CBFA2T2: variants seen among roughly 807,000 people sequenced by gnomAD.
CBFA2T2 encodes protein CBFA2T2.
CBFA2T2 carries 11 observed loss-of-function variants against 62.2 expected under a neutral mutation model. The observed-to-expected ratio is 0.18, with a 90% CI of 0.11 to 0.29. The LOEUF (loss-of-function observed/expected upper bound fraction) is 0.29. CBFA2T2 is among the 10% of genes least tolerant of loss of function. CBFA2T2 has a pLI of 1.00. For missense variants in CBFA2T2, 592 were observed against 774.1 expected, an observed-to-expected ratio of 0.76 and a Z score of 2.79; for synonymous variants, 295 against 287.5, an observed-to-expected ratio of 1.03 and a Z score of -0.27.
At chr20:33,593,738 T>G (rs1424035385) in intron 1 of CBFA2T2, among the ~76,000 whole-genome samples, 1 of 152,136 alleles carries the variant, frequency 6.6e-6, no homozygotes, top group Non-Finnish European at 1.5e-5. Context: ...TTATATCTGC[T>G]TCTGCATTAA....
At position 33,502,662 on chromosome 20, in the gene CBFA2T2, C is replaced by CA. The variant is rs1260224669; in HGVS notation, c.34+12364dup. On this transcript the variant is annotated intron_variant, in intron 1 of 10. Transcript: ENST00000342704. ...TTGTGATCTGCCTGCCTCGACCTCC[C>CA]AAAGTGCTGGGATTACAGGCGTGAG... Among the ~76,000 whole-genome samples, 3 of 151,398 alleles carry CA rather than the reference C, an allele frequency of 2.0e-5. No homozygotes were observed. In the East Asian group the frequency reaches 5.9e-4, roughly 30 times the overall value.
chr20:33,625,078 A>C (rs763767435), intron 6 of CBFA2T2, 61 bp downstream of exon 6: 436 of 1,522,980 alleles, frequency 2.9e-4, no homozygotes, highest in Non-Finnish European at 3.6e-4. Context: ...TTCCAACTCA[A>C]TGATAAAGTC....
chr20:33,625,217 C>CT (rs1424343202), intron 6 of CBFA2T2, among the ~76,000 whole-genome samples, 200 bp downstream of exon 6: 1 of 151,914 alleles, frequency 6.6e-6, no homozygotes, highest in Non-Finnish European at 1.5e-5. Context: ...GATAGAAGTA[C>CT]AGCTAGGTGT....
chr20:33,620,347 A>C (rs1162989517), intron 4 of CBFA2T2, among the ~76,000 whole-genome samples: 1 of 142,900 alleles, frequency 7.0e-6, no homozygotes, highest in Non-Finnish European at 1.6e-5. Flanking sequence ...CGTCTCTGCC[A>C]AAAAAAAATA....
At chr20:33,600,262 A>T (rs55651102) in intron 1 of CBFA2T2, 43,574 of 143,016 alleles carry the variant, frequency 0.3, 6,537 homozygotes, top group Middle Eastern at 0.37. Flanking sequence ...CACCATCTCA[A>T]CTAACTGCAA....
Position 33,644,729 on chromosome 20 carries a change from GTAGCTGCCGGGTCA to G in CBFA2T2, c.*85_*98del. 1 of 1,403,586 alleles carries G rather than the reference GTAGCTGCCGGGTCA, an allele frequency of 7.1e-7. No individual in the cohort carries two copies. Among genetic ancestry groups the G allele is most frequent in the Non-Finnish European group, 9.7e-7 (1 of 1,030,580 alleles). The allele number at this position is 1,403,586 out of a possible 1,614,324, so 86.9% of individuals were successfully genotyped here. A position where few individuals can be genotyped will look rare whatever the true frequency, so the allele number is the denominator to read the frequency against. ...GGACTGACTGTTGGAACCCGTGCAT[GTAGCTGCCGGGTCA>G]TCAGCAAGAAATGAATTGGAGGCAG... On this transcript the variant is annotated 3_prime_UTR_variant, in exon 11 of 11. Coordinates refer to ENST00000342704, the MANE Select transcript of CBFA2T2 (RefSeq NM_001032999.3).
At chr20:33,574,353 T>G in intron 1 of CBFA2T2, 1 of 1,207,384 alleles carries the variant, frequency 8.3e-7, no homozygotes, top group African/African-American at 1.5e-5. Flanking sequence ...AGGCCAGGCA[T>G]GGTGGCTCAC....
intron 1 of CBFA2T2, among the ~76,000 whole-genome samples, chr20:33,558,067 T>G (rs746481206): frequency 5.8e-4 from 88 of 152,040 alleles, no homozygotes; most frequent in Non-Finnish European, 9.6e-4. Context: ...GACCTCGTGA[T>G]CCACTCGTCT....
intron 1 of CBFA2T2, among the ~76,000 whole-genome samples, chr20:33,552,880 C>A (rs991381805): frequency 6.6e-6 from 1 of 152,130 alleles, no homozygotes; most frequent in African/African-American, 2.4e-5. Flanking sequence ...GCCTGAAATA[C>A]TTCTGAATAT....
intron 1 of CBFA2T2, among the ~76,000 whole-genome samples, chr20:33,565,111 G>C (rs1304410023): frequency 1.3e-5 from 2 of 152,054 alleles, no homozygotes; most frequent in Non-Finnish European, 2.9e-5. Context: ...AGTAGAGACG[G>C]TGTTTCACCG....
chr20:33,495,598 A>G (rs1349837029), intron 1 of CBFA2T2, among the ~76,000 whole-genome samples: 2 of 151,796 alleles, frequency 1.3e-5, no homozygotes, highest in Admixed American at 6.6e-5. Flanking sequence ...AGGCTGAGGC[A>G]GGAGAATTGC....
Position 33,624,832 on chromosome 20 carries a change from T to TCAG in CBFA2T2, c.763_765dup (p.Ser255dup), listed in dbSNP as rs1370776790. On this transcript the variant is annotated inframe_insertion, in exon 6 of 11. Transcript: ENST00000342704. ...CCTCCTGCCAAGAGAGTATGTACCA[T>TCAG]CAGCCCTGCTCCTCGGCACAGTCCT... is the stretch of plus-strand genomic sequence containing the variant. 6.2e-7 allele frequency: 1 copy of TCAG among 1,614,168 alleles called. No individual in the cohort carries two copies.
At chr20:33,563,610 A>C (rs2013172197) in intron 1 of CBFA2T2, among the ~76,000 whole-genome samples, 1 of 152,112 alleles carries the variant, frequency 6.6e-6, no homozygotes, top group South Asian at 2.1e-4. Context: ...GGAGTTACAC[A>C]AACTGTGTAC....
At chr20:33,503,254 C>CT (rs557746879) in intron 1 of CBFA2T2, among the ~76,000 whole-genome samples, 57,188 of 108,802 alleles carry the variant, frequency 0.53, 17,997 homozygotes, top group South Asian at 0.64. Flanking sequence ...TTCTTTCTTT[C>CT]TTTTTTTTTT....
intron 3 of CBFA2T2, among the ~76,000 whole-genome samples, chr20:33,617,108 C>T (rs1354203700): frequency 1.3e-5 from 2 of 152,102 alleles, no homozygotes; most frequent in Admixed American, 6.5e-5. Flanking sequence ...CGGTGGCTCA[C>T]GCCTGTAATC....
chr20:33,619,651 C>T, intron 4 of CBFA2T2, 45 bp downstream of exon 4: 2 of 1,340,108 alleles, frequency 1.5e-6, no homozygotes, highest in South Asian at 2.5e-5. Flanking sequence ...AATATTTCCT[C>T]AAATTCTGCT....
chr20:33,514,760 G>A (rs2011571577), intron 1 of CBFA2T2, among the ~76,000 whole-genome samples: 1 of 151,744 alleles, frequency 6.6e-6, no homozygotes, highest in African/African-American at 2.4e-5. Flanking sequence ...TGCGATGGTG[G>A]GGTCTTGCTC....
At chr20:33,499,371 A>G (rs2011242424) in intron 1 of CBFA2T2, among the ~76,000 whole-genome samples, 1 of 152,190 alleles carries the variant, frequency 6.6e-6, no homozygotes, top group South Asian at 2.1e-4. Flanking sequence ...GAGGCTAATG[A>G]AGAAGAATCA....
intron 1 of CBFA2T2, among the ~76,000 whole-genome samples, chr20:33,541,242 C>T (rs1287727296): frequency 6.6e-6 from 1 of 152,086 alleles, no homozygotes; most frequent in Non-Finnish European, 1.5e-5. Context: ...GTCATGTAGT[C>T]CAGAGGTCAA....
Sources: allele counts gnomAD v4.1 joint callset (sites outside exome capture counted in the v4.1 genomes callset), GRCh38; gene constraint gnomAD v4.1.1; transcripts MANE v1.5; gene names NCBI Gene and HGNC (gene_info 2026-07-23, HGNC 2026-07-21).